Variants in CADM1 observed in about 807,000 individuals in gnomAD.
CADM1 encodes TSLC-1.
Under a neutral mutation model 53.1 loss-of-function variants are expected in CADM1, and 15 were observed. The ratio of observed to expected loss-of-function variants is 0.28; its 90% CI spans 0.19 to 0.44. The LOEUF is 0.44. Among genes scored for constraint, CADM1 ranks in the 20% least tolerant of loss-of-function variants. The pLI is 1.00. For missense variants in CADM1, 434 were observed against 611.3 expected, an observed-to-expected ratio of 0.71 and a Z score of 3.06; for synonymous variants, 281 against 243.0, an observed-to-expected ratio of 1.16 and a Z score of -1.45.
At chr11:115,198,384 T>TA (rs1290582911) in intron 9 of CADM1, 22 bp downstream of exon 9, 8 of 1,584,314 alleles carry the variant, frequency 5.0e-6, no homozygotes, top group Non-Finnish European at 6.0e-6. Context: ...AGAAAGTAGA[T>TA]AAACAGTAAT....
intron 10 of CADM1, 78 bp from the exon 11 acceptor site, chr11:115,178,853 G>A: frequency 5.4e-6 from 8 of 1,484,894 alleles, no homozygotes; most frequent in Non-Finnish European, 7.5e-6. Flanking sequence ...TGTCTCCAGG[G>A]TCAGAGGGTC....
At chr11:115,240,571 A>C in intron 1 of CADM1, 151 bp from the exon 2 acceptor site, 1 of 804,904 alleles carries the variant, frequency 1.2e-6, no homozygotes, top group East Asian at 2.7e-5. Flanking sequence ...TGTAGTCTAC[A>C]AAACGAGTCT....
At chr11:115,390,060 T>TA (rs1258354003) in intron 1 of CADM1, among the ~76,000 whole-genome samples, 2 of 152,090 alleles carry the variant, frequency 1.3e-5, no homozygotes, top group Non-Finnish European at 2.9e-5. Context: ...CATGAGCCAT[T>TA]AATGCCTCTT....
chr11:115,275,887 T>A lies in CADM1; in HGVS notation c.125-35467A>T, dbSNP rs535346587. On this transcript the variant is annotated intron_variant, in intron 1 of 11. Transcript: ENST00000331581. ...TCAAGCTGGTCCCATTAGCTGCAAT[T>A]TTCAATTTACTAGTCTTTTCAAATA... Among the ~76,000 whole-genome samples the A allele has an allele frequency of 2.0e-5, 3 of 152,326 alleles. No homozygotes were observed. The East Asian group carries it at 5.8e-4, about 29-fold the overall frequency.
intron 1 of CADM1, among the ~76,000 whole-genome samples, chr11:115,278,268 A>C (rs1943497486): frequency 6.6e-6 from 1 of 152,234 alleles, no homozygotes; most frequent in African/African-American, 2.4e-5. Flanking sequence ...GAAAATGTTC[A>C]GTAAATGTAA....
intron 1 of CADM1, among the ~76,000 whole-genome samples, chr11:115,331,044 A>C (rs144429384): frequency 3.3e-5 from 5 of 152,302 alleles, no homozygotes; most frequent in Non-Finnish European, 7.4e-5. Flanking sequence ...GGCCTGGTGA[A>C]GAAACGGCAA....
intron 1 of CADM1, among the ~76,000 whole-genome samples, chr11:115,375,121 T>C (rs1333286512): frequency 2.0e-5 from 3 of 152,094 alleles, no homozygotes; most frequent in Admixed American, 6.6e-5. Context: ...AAATGATCCA[T>C]GGTTGGGGGA....
intron 1 of CADM1, chr11:115,256,924 A>G: frequency 2.2e-6 from 1 of 455,928 alleles, no homozygotes; most frequent in Non-Finnish European, 4.4e-6. Context: ...AGAGAATAAC[A>G]TTCTGAATTT....
chr11:115,403,454 C>G (rs560298979), intron 1 of CADM1, among the ~76,000 whole-genome samples: 143 of 152,286 alleles, frequency 9.4e-4, no homozygotes, highest in Non-Finnish European at 1.5e-3. Flanking sequence ...CCACTGCAAA[C>G]TTTCTGACTT....
intron 1 of CADM1, among the ~76,000 whole-genome samples, chr11:115,365,270 T>G (rs1401347226): frequency 6.6e-6 from 1 of 152,172 alleles, no homozygotes; most frequent in Non-Finnish European, 1.5e-5. Flanking sequence ...ATTGTTTCTA[T>G]CAAAATTAAG....
chr11:115,234,415 A>T (rs1344782020), intron 3 of CADM1, among the ~76,000 whole-genome samples: 1 of 152,176 alleles, frequency 6.6e-6, no homozygotes, highest in Non-Finnish European at 1.5e-5. Flanking sequence ...ACAGGCAGCT[A>T]GGTCCCCATC....
At chr11:115,199,018 T>C (rs1940294639) in intron 8 of CADM1, among the ~76,000 whole-genome samples, 1 of 152,226 alleles carries the variant, frequency 6.6e-6, no homozygotes, top group African/African-American at 2.4e-5. Context: ...GTGTATTATT[T>C]CAGCATAGTT....
At chr11:115,291,534 C>T (rs371327820) in intron 1 of CADM1, among the ~76,000 whole-genome samples, 2 of 152,316 alleles carry the variant, frequency 1.3e-5, no homozygotes, top group South Asian at 2.1e-4. Context: ...CACCCCGCAG[C>T]GCTCAGTAGC....
intron 8 of CADM1, among the ~76,000 whole-genome samples, chr11:115,209,168 G>C (rs1940832063): frequency 6.6e-6 from 1 of 152,194 alleles, no homozygotes; most frequent in South Asian, 2.1e-4. Context: ...TTGAAGTTAG[G>C]TGTGTATATT....
intron 1 of CADM1, among the ~76,000 whole-genome samples, chr11:115,371,247 T>C (rs1328076005): frequency 2.0e-5 from 3 of 152,166 alleles, no homozygotes; most frequent in African/African-American, 4.8e-5. Context: ...GTGGGGTTTA[T>C]AGCATATGCA....
At chr11:115,201,581 T>C (rs1203016425) in intron 8 of CADM1, among the ~76,000 whole-genome samples, 1 of 152,196 alleles carries the variant, frequency 6.6e-6, no homozygotes, top group Non-Finnish European at 1.5e-5. Flanking sequence ...TTGGGTAACA[T>C]TCTAAGCGTA....
At chr11:115,459,042 A>G (rs988026962) in intron 1 of CADM1, among the ~76,000 whole-genome samples, 5 of 152,220 alleles carry the variant, frequency 3.3e-5, no homozygotes, top group Admixed American at 3.3e-4. Flanking sequence ...GCATGGATTC[A>G]TGATGCATAA....
At chr11:115,372,003 G>T (rs1382053965) in intron 1 of CADM1, among the ~76,000 whole-genome samples, 1 of 152,130 alleles carries the variant, frequency 6.6e-6, no homozygotes, top group African/African-American at 2.4e-5. Context: ...CCTTGGCAAT[G>T]AGTTCATGTG....
rs375536080 is a variant in CADM1 at position 115,453,014 on chromosome 11, C to A, written c.124+51257G>T. Among the ~76,000 whole-genome samples, 13 of 152,212 alleles carry A rather than the reference C, an allele frequency of 8.5e-5. No individual in the cohort carries two copies. In the East Asian group the frequency reaches 2.3e-3, roughly 27 times the overall value. On this transcript the variant is annotated intron_variant, in intron 1 of 11. Transcript: ENST00000331581. ...ATATAATTAGATAAATTTTATCTAA[C>A]TAACCAGGTAGATAAAATTACATTA... is the stretch of plus-strand genomic sequence containing the variant.
Sources: gnomAD v4.1 joint callset for allele counts (sites outside exome capture counted in the v4.1 genomes callset) on GRCh38, gnomAD v4.1.1 for gene constraint, MANE v1.5 for transcripts, NCBI Gene and HGNC (gene_info 2026-07-23, HGNC 2026-07-21) for gene names.